Variants in UHRF2 observed in about 807,000 individuals in gnomAD.
UHRF2 encodes the protein E3 ubiquitin-protein ligase UHRF2.
Under a neutral mutation model 96.8 loss-of-function variants are expected in UHRF2, and 23 were observed. The observed-to-expected ratio is 0.24, with a 90% confidence interval of 0.17 to 0.34. The LOEUF (loss-of-function observed/expected upper bound fraction) is 0.34. UHRF2 is among the 10% of genes least tolerant of loss of function. The pLI, the probability that UHRF2 is intolerant of heterozygous loss-of-function variation, is 1.00. For missense variants in UHRF2, 685 were observed against 981.5 expected, an observed-to-expected ratio of 0.70 and a Z score of 4.04; for synonymous variants, 385 against 332.6, an observed-to-expected ratio of 1.16 and a Z score of -1.72.
chr9:6,439,504 G>T (rs1821034938), intron 3 of UHRF2, among the ~76,000 whole-genome samples: 1 of 152,202 alleles, frequency 6.6e-6, no homozygotes, highest in African/African-American at 2.4e-5. Flanking sequence ...ACGTTAAGCT[G>T]TCAACTTTGT....
In UHRF2 at chr9:6,506,298, C is replaced by G. The variant is rs189404525; in HGVS notation, c.*119C>G. ...CTCTCACGTTCTGAAGCAGCTAATC[C>G]TCTTTCCCACATAGCCATCATCTTG... On this transcript the variant is annotated 3_prime_UTR_variant, in exon 16 of 16. Transcript: ENST00000276893. 81 of 1,295,878 alleles carry G rather than the reference C, an allele frequency of 6.3e-5. No homozygotes were observed. In the African/African-American group the frequency reaches 6.4e-4, roughly 10 times the overall value. The allele number at this position is 1,295,878 out of a possible 1,614,324, so 80.3% of individuals were successfully genotyped here.
At chr9:6,479,469 C>G (rs1823792661) in intron 6 of UHRF2, among the ~76,000 whole-genome samples, 1 of 152,092 alleles carries the variant, frequency 6.6e-6, no homozygotes, top group Non-Finnish European at 1.5e-5. Flanking sequence ...TCCACTCCCA[C>G]CCCCAACCCT....
chr9:6,500,959 C>G (rs1045172066), intron 14 of UHRF2, among the ~76,000 whole-genome samples: 9 of 152,120 alleles, frequency 5.9e-5, no homozygotes, highest in Non-Finnish European at 1.2e-4. Context: ...AGGTACTGTT[C>G]CTCAGAAGAA....
Position 6,470,376 on chromosome 9 carries a change from T to A in UHRF2, c.864-5015T>A, listed in dbSNP as rs549156514. On this transcript the variant is annotated intron_variant, in intron 4 of 15. Coordinates refer to ENST00000276893, the MANE Select transcript of UHRF2 (RefSeq NM_152896.3). Reference sequence around the variant, plus strand: ...TCCATCTCAAAAAAAAAAAAAAAAATTTCCCAACTTAAAATATCTTTTTCA... The same window carrying A: ...TCCATCTCAAAAAAAAAAAAAAAAAATTCCCAACTTAAAATATCTTTTTCA... Among the ~76,000 whole-genome samples the A allele has an allele frequency of 5.9e-4, 88 of 150,040 alleles. 1 individual carries two copies. Among genetic ancestry groups the A allele is most frequent in the Non-Finnish European group, 9.8e-4 (66 of 67,476 alleles).
chr9:6,486,725 T>C, intron 8 of UHRF2, 96 bp from the exon 9 acceptor site: 1 of 1,171,440 alleles, frequency 8.5e-7, no homozygotes, highest in South Asian at 1.5e-5. Flanking sequence ...ACTCACTTCT[T>C]GGGTCTTTAG....
rs188829538 is a variant in UHRF2 at position 6,444,750 on chromosome 9, C to T, written c.644+10577C>T. The stretch of plus-strand genomic sequence containing the variant: ...CCCAAGTAGCTGGGATTACAGGCAC[C>T]CACTACCACGCCTGCCTAATTTTTG... On this transcript the variant is annotated intron_variant, in intron 3 of 15. Transcript: ENST00000276893. 5.2e-4 allele frequency among the ~76,000 whole-genome samples: 79 copies of T among 152,094 alleles called. 1 individual carries two copies. The highest frequency in any genetic ancestry group is 3.4e-4 in the Non-Finnish European group (23 of 67,968).
chr9:6,476,076 C>T (rs530720673), intron 5 of UHRF2, among the ~76,000 whole-genome samples: 27 of 152,306 alleles, frequency 1.8e-4, no homozygotes, highest in African/African-American at 5.5e-4. Flanking sequence ...TCATTCTATT[C>T]TCCACCTGCA....
intron 1 of UHRF2, among the ~76,000 whole-genome samples, chr9:6,420,668 C>G (rs1819879094): frequency 6.6e-6 from 1 of 150,426 alleles, no homozygotes; most frequent in South Asian, 2.1e-4. Context: ...GATCGTGCCA[C>G]TGCCCTCCAG....
intron 3 of UHRF2, among the ~76,000 whole-genome samples, chr9:6,435,151 G>A (rs1003185802): frequency 4.6e-5 from 7 of 151,836 alleles, no homozygotes; most frequent in Non-Finnish European, 2.9e-5. Flanking sequence ...GCACCACCAC[G>A]CCTGGCTAAT....
rs867413167 is a variant in UHRF2 at position 6,469,159 on chromosome 9, A to T, written c.864-6232A>T. Among the ~76,000 whole-genome samples the T allele has an allele frequency of 3.3e-5, 5 of 152,346 alleles. No individual in the cohort carries two copies. The South Asian group carries it at 8.3e-4, about 25-fold the overall frequency. On this transcript the variant is annotated intron_variant, in intron 4 of 15. Transcript: ENST00000276893. ...ATTTCAGCTGAGAATTGGAATTCAC[A>T]AAATAATTATATGGAGATTCTAGAA... is the stretch of plus-strand genomic sequence containing the variant.
chr9:6,479,055 C>G (rs1264224668), intron 6 of UHRF2, among the ~76,000 whole-genome samples: 2 of 152,162 alleles, frequency 1.3e-5, no homozygotes, highest in Non-Finnish European at 2.9e-5. Flanking sequence ...GTTGCCATTA[C>G]TAGATCATTC....
At chr9:6,486,788 G>C in intron 8 of UHRF2, 33 bp from the exon 9 acceptor site, 6 of 1,599,034 alleles carry the variant, frequency 3.8e-6, no homozygotes, top group Middle Eastern at 1.7e-4. Context: ...ACTGTTCAGA[G>C]GTATTTTGAG....
Position 6,506,400 on chromosome 9 carries a change from G to A in UHRF2, c.*221G>A, listed in dbSNP as rs1816585881. The A allele has an allele frequency of 4.4e-6, 2 of 456,300 alleles. No homozygotes were observed. The highest frequency in any genetic ancestry group is 4.0e-5 in the African/African-American group (2 of 49,824). The allele number at this position is 456,300 out of a possible 1,614,324, so 28.3% of individuals were successfully genotyped here. ...AGTTCCTGTAACAACTAGTTTTAAT[G>A]AGTAAAAAGTCAAAGCCTCAGCTCT... is the stretch of plus-strand genomic sequence containing the variant. On this transcript the variant is annotated 3_prime_UTR_variant, in exon 16 of 16. Coordinates refer to ENST00000276893, the MANE Select transcript of UHRF2 (RefSeq NM_152896.3).
chr9:6,497,111 A>G (rs1172872605), intron 10 of UHRF2, 87 bp from the exon 11 acceptor site: 2 of 1,183,176 alleles, frequency 1.7e-6, no homozygotes, highest in Middle Eastern at 2.9e-4. Flanking sequence ...CAGGTAAGGT[A>G]TAATTCACCT....
intron 3 of UHRF2, among the ~76,000 whole-genome samples, chr9:6,440,625 C>G (rs1821108035): frequency 6.6e-6 from 1 of 152,172 alleles, no homozygotes; most frequent in African/African-American, 2.4e-5. Flanking sequence ...TTCTATTGAG[C>G]TAAACCGTAG....
At chr9:6,443,433 G>C (rs746625230) in intron 3 of UHRF2, among the ~76,000 whole-genome samples, 8 of 152,220 alleles carry the variant, frequency 5.3e-5, no homozygotes, top group Non-Finnish European at 1.2e-4. Flanking sequence ...GTAGCAGGCA[G>C]ATTCCAAAAA....
Position 6,436,270 on chromosome 9 carries a change from T to C in UHRF2, c.644+2097T>C, listed in dbSNP as rs544699506. On this transcript the variant is annotated intron_variant, in intron 3 of 15. Transcript: ENST00000276893. ...CTTTAATCTTTACTTTTCTGGTACTTATTGTGGTTGTGGCTAAGCGGCCAA... is the reference window on the plus strand; with the variant it reads ...CTTTAATCTTTACTTTTCTGGTACTCATTGTGGTTGTGGCTAAGCGGCCAA... Among the ~76,000 whole-genome samples the C allele has an allele frequency of 9.9e-5, 15 of 152,272 alleles. No homozygotes were observed. The South Asian group carries it at 2.3e-3, about 23-fold the overall frequency.
At chr9:6,492,239 C>G in intron 9 of UHRF2, 2 of 672,344 alleles carry the variant, frequency 3.0e-6, no homozygotes, top group South Asian at 1.9e-5. Context: ...TTACATTTGT[C>G]TTATTATGCT....
chr9:6,449,038 G>C (rs902809823), intron 3 of UHRF2, among the ~76,000 whole-genome samples: 6 of 152,038 alleles, frequency 3.9e-5, no homozygotes, highest in African/African-American at 1.4e-4. Context: ...CAGCACCTTT[G>C]AGCACCACTG....
Sources: gnomAD v4.1 joint callset for allele counts (sites outside exome capture counted in the v4.1 genomes callset) on GRCh38, gnomAD v4.1.1 for gene constraint, MANE v1.5 for transcripts, NCBI Gene and HGNC (gene_info 2026-07-23, HGNC 2026-07-21) for gene names.